The following SENP5 variants were observed in gnomAD, a reference collection of about 807,000 sequenced individuals.
SENP5 encodes the protein SUMO specific peptidase 5.
SENP5 carries 21 observed loss-of-function variants against 74.2 expected under a neutral mutation model. The observed-to-expected ratio is 0.28, with a 90% confidence interval of 0.20 to 0.41. The LOEUF is 0.41. Ranked by LOEUF, SENP5 falls within the 10% of genes least tolerant of loss-of-function variation. The pLI is 1.00. For synonymous variants in SENP5, 311 were observed against 312.7 expected (o/e 0.99, Z 0.06); for missense variants, 717 against 889.1 (o/e 0.81, Z 2.46).
chr3:196,900,072 T>C lies in SENP5; in HGVS notation c.1758+10T>C. The C allele has an allele frequency of 6.2e-7, 1 of 1,606,054 alleles. No homozygotes were observed. Among genetic ancestry groups the C allele is most frequent in the African/African-American group, 1.3e-5 (1 of 74,702 alleles). ...CTGGCTGAATGACCAGGTTAGTATA[T>C]TGTAGTTTTTCAGTGTGGAGAAGTT... On this transcript the variant is annotated intron_variant, in intron 4 of 9. Coordinates refer to ENST00000323460, the MANE Select transcript of SENP5 (RefSeq NM_152699.5).
chr3:196,921,895 T>TA (rs1460678249), intron 6 of SENP5, among the ~76,000 whole-genome samples: 14 of 152,200 alleles, frequency 9.2e-5, no homozygotes, highest in Non-Finnish European at 2.1e-4. Context: ...CAAATTATGC[T>TA]AAAAAATACC....
chr3:196,877,444 A>G (rs1713527629), intron 1 of SENP5, among the ~76,000 whole-genome samples: 1 of 152,174 alleles, frequency 6.6e-6, no homozygotes, highest in African/African-American at 2.4e-5. Flanking sequence ...CTCGACCTTC[A>G]AAAGTGCTGT....
At chr3:196,884,682 T>G (rs1352566259) in intron 1 of SENP5, among the ~76,000 whole-genome samples, 1 of 150,584 alleles carries the variant, frequency 6.6e-6, no homozygotes, top group Non-Finnish European at 1.5e-5. Flanking sequence ...TTGTTTTTTT[T>G]TTTTTTGAGA....
chr3:196,881,835 C>T (rs1713736333), intron 1 of SENP5, among the ~76,000 whole-genome samples: 1 of 150,196 alleles, frequency 6.7e-6, no homozygotes, highest in African/African-American at 2.4e-5. Flanking sequence ...AAAAGAATAA[C>T]ACCCTGTTCT....
At chr3:196,917,200 A>G (rs1715415599) in intron 6 of SENP5, among the ~76,000 whole-genome samples, 1 of 152,022 alleles carries the variant, frequency 6.6e-6, no homozygotes, top group Admixed American at 6.6e-5. Flanking sequence ...TTGACAAACT[A>G]GAAAATACAT....
At chr3:196,909,480 T>C (rs1435806994) in intron 6 of SENP5, among the ~76,000 whole-genome samples, 2 of 152,156 alleles carry the variant, frequency 1.3e-5, no homozygotes, top group African/African-American at 4.8e-5. Context: ...CAGGCCAATA[T>C]CCCTGATGAA....
In SENP5 at chr3:196,886,135, G is replaced by C; in HGVS notation, c.954G>C (p.Gly318=). Reference sequence around the variant, plus strand: ...TGGACAGCAGTGCTGTGGTGAAGGGGACGAACTCTCATGTGCCTGATTGCC... The same window carrying C: ...TGGACAGCAGTGCTGTGGTGAAGGGCACGAACTCTCATGTGCCTGATTGCC... ...PDMDSSAVVK[G]TNSHVPDCHT... Residue 318 remains glycine, a synonymous_variant, in exon 2 of 10, where the codon GGG becomes GGC. Coordinates refer to ENST00000323460, the MANE Select transcript of SENP5 (RefSeq NM_152699.5). 1 of 1,614,218 alleles carries C rather than the reference G, an allele frequency of 6.2e-7. No individual in the cohort carries two copies.
intron 2 of SENP5, among the ~76,000 whole-genome samples, chr3:196,898,072 C>A (rs113278413): frequency 1.3e-5 from 2 of 149,790 alleles, no homozygotes; most frequent in Admixed American, 1.3e-4. Context: ...CAGCTACTCA[C>A]GAGGCTGAGG....
At chr3:196,923,221 A>G (rs951278208) in intron 6 of SENP5, among the ~76,000 whole-genome samples, 193 bp from the exon 7 acceptor site, 5 of 152,166 alleles carry the variant, frequency 3.3e-5, no homozygotes, top group African/African-American at 1.2e-4. Context: ...TTATTTTTGT[A>G]TTATTGTTGT....
At chr3:196,884,550 A>G (rs994705477) in intron 1 of SENP5, among the ~76,000 whole-genome samples, 4 of 152,246 alleles carry the variant, frequency 2.6e-5, no homozygotes, top group Non-Finnish European at 5.9e-5. Flanking sequence ...CAGTTTACTC[A>G]GAAGTGCTGT....
chr3:196,885,682 C>T lies in SENP5; in HGVS notation c.501C>T (p.Pro167=), dbSNP rs1560142694. 1 of 1,614,198 alleles carries T rather than the reference C, an allele frequency of 6.2e-7. No individual in the cohort carries two copies. Among genetic ancestry groups the T allele is most frequent in the Non-Finnish European group, 8.5e-7 (1 of 1,180,044 alleles). The part of the protein sequence containing the change: ...PRTDPQPSDF[P]MKFNGESQSP... Reference sequence around the variant, plus strand: ...CAGACCCACAACCTTCTGACTTTCCCATGAAGTTCAATGGGGAGAGCCAAA... The same window carrying T: ...CAGACCCACAACCTTCTGACTTTCCTATGAAGTTCAATGGGGAGAGCCAAA... The change falls in exon 2 of 10, where the codon CCC becomes CCT. Residue 167 remains proline, a synonymous_variant. Coordinates refer to ENST00000323460, the MANE Select transcript of SENP5 (RefSeq NM_152699.5).
intron 6 of SENP5, among the ~76,000 whole-genome samples, chr3:196,905,536 G>A (rs566037342): frequency 2.0e-5 from 3 of 152,232 alleles, no homozygotes; most frequent in South Asian, 2.1e-4. Context: ...TTAATTTGCC[G>A]GAGCGGTTCA....
chr3:196,934,588 G>C lies in SENP5; in HGVS notation c.*3665G>C, dbSNP rs1664384224. On this transcript the variant is annotated 3_prime_UTR_variant, in exon 10 of 10. Transcript: ENST00000323460. ...TTACAAAAGCAGACCTAGACGAGCT[G>C]TTCACTTAACTGGTACCTGTTGGTC... 1 of 152,214 alleles carries C rather than the reference G, an allele frequency of 6.6e-6. No individual in the cohort carries two copies. The allele number at this position is 152,214 out of a possible 1,614,324, so 9.4% of individuals were successfully genotyped here. A position where few individuals can be genotyped will look rare whatever the true frequency, so the allele number is the denominator to read the frequency against.
chr3:196,885,970 C>G lies in SENP5; in HGVS notation c.789C>G (p.Ala263=). ...GCAAGGTTTGCAAGCTAAGAAAAGC[C>G]CAGCGAAGCTGGGTACAGAAAGTCA... ...TKSKVCKLRK[A]QRSWVQKVTG... Residue 263 remains alanine, a synonymous_variant, in exon 2 of 10, where the codon GCC becomes GCG. Transcript: ENST00000323460. 1 of 1,614,154 alleles carries G rather than the reference C, an allele frequency of 6.2e-7. No homozygotes were observed. The highest frequency in any genetic ancestry group is 8.5e-7 in the Non-Finnish European group (1 of 1,180,032).
rs142304910 is a variant in SENP5, at chr3:196,929,468, G to T, written c.2107-165G>T. 699 of 546,322 alleles carry T rather than the reference G, an allele frequency of 1.3e-3. 3 individuals carry two copies. In the East Asian group the frequency reaches 0.02, roughly 16 times the overall value. The allele number at this position is 546,322 out of a possible 1,614,324, so 33.8% of individuals were successfully genotyped here. The stretch of plus-strand genomic sequence containing the variant: ...GCCACCTGATAGCTCTTTTTATGTG[G>T]CCAGGTGCCTCCATAAAATTAGATG... On this transcript the variant is annotated intron_variant, in intron 8 of 9. Coordinates refer to ENST00000323460, the MANE Select transcript of SENP5 (RefSeq NM_152699.5).
At chr3:196,916,376 C>G (rs1006213932) in intron 6 of SENP5, among the ~76,000 whole-genome samples, 2 of 151,926 alleles carry the variant, frequency 1.3e-5, no homozygotes, top group Non-Finnish European at 2.9e-5. Context: ...CTTCACCAAA[C>G]TAAAGGCACC....
At chr3:196,908,333 G>C (rs566528133) in intron 6 of SENP5, among the ~76,000 whole-genome samples, 1 of 152,122 alleles carries the variant, frequency 6.6e-6, no homozygotes, top group African/African-American at 2.4e-5. Flanking sequence ...ACCTGTTCCT[G>C]AATAACTCCT....
In SENP5 at chr3:196,932,028, G is replaced by T. The variant is rs556116431; in HGVS notation, c.*1105G>T. The T allele has an allele frequency of 5.3e-6, 2 of 379,458 alleles. No individual in the cohort carries two copies. Among genetic ancestry groups the T allele is most frequent in the Non-Finnish European group, 1.0e-5 (2 of 192,472 alleles). 23.5% of individuals were successfully genotyped at this position (379,458 alleles called of 1,614,324 possible). The stretch of plus-strand genomic sequence containing the variant: ...GTGACCTCAGTAACATGCAGGGTAC[G>T]TCTGGCTTCTGCATGGCCAGTGCTG... On this transcript the variant is annotated 3_prime_UTR_variant, in exon 10 of 10. Transcript: ENST00000323460.
At chr3:196,930,003 A>T (rs1456739607) in intron 9 of SENP5, among the ~76,000 whole-genome samples, 1 of 152,092 alleles carries the variant, frequency 6.6e-6, no homozygotes, top group East Asian at 1.9e-4. Flanking sequence ...AAAAAAAAAA[A>T]AAACATTGGC....
Sources: allele counts gnomAD v4.1 joint callset (sites outside exome capture counted in the v4.1 genomes callset), GRCh38; gene constraint gnomAD v4.1.1; transcripts MANE v1.5; gene names NCBI Gene and HGNC (gene_info 2026-07-23, HGNC 2026-07-21).